DAB1: variants seen among roughly 807,000 people sequenced by gnomAD.
DAB1 encodes the protein disabled homolog 1.
Under a neutral mutation model 64.6 loss-of-function variants are expected in DAB1, and 15 were observed. The ratio of observed to expected loss-of-function variants is 0.23; its 90% confidence interval spans 0.16 to 0.36. The LOEUF is 0.36. Among genes scored for constraint, DAB1 ranks in the 10% least tolerant of loss-of-function variants. The pLI, the probability that DAB1 is intolerant of heterozygous loss-of-function variation, is 1.00. For missense variants in DAB1, 596 were observed against 706.7 expected (o/e 0.84, Z 1.78); for synonymous variants, 235 against 251.9 (o/e 0.93, Z 0.64).
chr1:57,857,403 G>A (rs928885537), intron 1 of DAB1, among the ~76,000 whole-genome samples: 3 of 152,200 alleles, frequency 2.0e-5, no homozygotes, highest in African/African-American at 7.2e-5. Flanking sequence ...AATAGAGTAA[G>A]CAGAGATGAT....
At chr1:57,465,333 C>CTTAATGTAGCACACAG (rs1449797030) in intron 7 of DAB1, among the ~76,000 whole-genome samples, 2 of 152,152 alleles carry the variant, frequency 1.3e-5, no homozygotes, top group African/African-American at 4.8e-5. Flanking sequence ...GTAGTTTGGT[C>CTTAATGTAGCACACAG]ATCTGTGCTA....
chr1:57,020,629 A>G (rs1646583266), intron 11 of DAB1, among the ~76,000 whole-genome samples: 1 of 152,214 alleles, frequency 6.6e-6, no homozygotes, highest in Non-Finnish European at 1.5e-5. Flanking sequence ...TAGGTAGAAC[A>G]GGACATATAT....
At chr1:57,033,873 C>T (rs770570548) in intron 9 of DAB1, among the ~76,000 whole-genome samples, 3 of 152,230 alleles carry the variant, frequency 2.0e-5, no homozygotes, top group African/African-American at 7.2e-5. Context: ...TAAGAGCATG[C>T]TGTTTACACC....
intron 7 of DAB1, among the ~76,000 whole-genome samples, chr1:57,562,139 G>A (rs1037510889): frequency 6.6e-6 from 1 of 152,188 alleles, no homozygotes; most frequent in Non-Finnish European, 1.5e-5. Context: ...TTGGGAGGCC[G>A]AGGCAGGTGG....
At chr1:58,408,396 C>T (rs892486911) in intron 3 of DAB1, among the ~76,000 whole-genome samples, 4 of 152,212 alleles carry the variant, frequency 2.6e-5, no homozygotes, top group African/African-American at 9.6e-5. Flanking sequence ...TCCTTTGTAA[C>T]AAGTGTTATT....
At chr1:58,467,338 C>T (rs1203983286) in intron 3 of DAB1, among the ~76,000 whole-genome samples, 8 of 152,196 alleles carry the variant, frequency 5.3e-5, no homozygotes, top group Non-Finnish European at 4.4e-5. Context: ...AAAAGCAGAA[C>T]GTCTGCTTTT....
intron 9 of DAB1, among the ~76,000 whole-genome samples, chr1:57,044,723 C>T (rs753142673): frequency 5.3e-5 from 8 of 152,198 alleles, no homozygotes; most frequent in African/African-American, 1.4e-4. Context: ...AGTAAGGTCA[C>T]GGGTGGTTGG....
intron 4 of DAB1, among the ~76,000 whole-genome samples, chr1:58,334,228 C>A (rs961999270): frequency 1.3e-5 from 2 of 152,154 alleles, no homozygotes; most frequent in Non-Finnish European, 2.9e-5. Context: ...TCACTCTCAC[C>A]TCCACCATGA....
intron 3 of DAB1, among the ~76,000 whole-genome samples, chr1:58,421,206 G>T (rs556342494): frequency 1.3e-5 from 2 of 152,314 alleles, no homozygotes; most frequent in East Asian, 1.9e-4. Context: ...CATGGATGGT[G>T]GCAGCAAGGC....
chr1:58,438,513 C>A (rs1644970127), intron 3 of DAB1, among the ~76,000 whole-genome samples: 1 of 152,140 alleles, frequency 6.6e-6, no homozygotes, highest in South Asian at 2.1e-4. Context: ...AAAAGAAGGC[C>A]AGCATGCTGG....
chr1:58,294,629 G>A (rs1661926115), intron 4 of DAB1, among the ~76,000 whole-genome samples: 1 of 151,948 alleles, frequency 6.6e-6, no homozygotes, highest in African/African-American at 2.4e-5. Flanking sequence ...CCAATTTCAT[G>A]GTAAATATAT....
intron 6 of DAB1, among the ~76,000 whole-genome samples, chr1:57,813,502 C>T (rs760678367): frequency 1.3e-5 from 2 of 152,200 alleles, no homozygotes; most frequent in Non-Finnish European, 1.5e-5. Flanking sequence ...GAGGAACAGG[C>T]AGATGTGTAA....
chr1:58,071,531 C>T (rs1409878823), intron 5 of DAB1: 2 of 152,094 alleles, frequency 1.3e-5, no homozygotes, highest in Admixed American at 6.6e-5. Flanking sequence ...TGACATGGCA[C>T]TGATGTTTGG....
At chr1:58,462,175 G>A (rs1212710664) in intron 3 of DAB1, among the ~76,000 whole-genome samples, 3 of 145,180 alleles carry the variant, frequency 2.1e-5, no homozygotes, top group Non-Finnish European at 3.0e-5. Context: ...GCCGGACTGC[G>A]GACTGCAGTG....
At position 58,314,331 on chromosome 1, in the gene DAB1, C is replaced by A. The variant is rs537598368; in HGVS notation, n.309+29021G>T. ...GCCTGATCCTGTTCTATGGCCTTGA[C>A]AACTTCCTTCAGTCCTTTTTGGGTC... On this transcript the variant is annotated intron_variant and non_coding_transcript_variant, in intron 4 of 20. Transcript: ENST00000485760. Among the ~76,000 whole-genome samples, 270 of 152,284 alleles carry A rather than the reference C, an allele frequency of 1.8e-3. 1 individual carries two copies. The highest frequency in any genetic ancestry group is 3.3e-3 in the Non-Finnish European group (223 of 68,024).
intron 5 of DAB1, among the ~76,000 whole-genome samples, chr1:57,938,085 C>T (rs1463347702): frequency 6.6e-6 from 1 of 152,226 alleles, no homozygotes; most frequent in Non-Finnish European, 1.5e-5. Flanking sequence ...TCAGGTCCTA[C>T]TTTCATGGGA....
At chr1:57,445,409 T>C (rs1441866394) in intron 7 of DAB1, among the ~76,000 whole-genome samples, 2 of 152,184 alleles carry the variant, frequency 1.3e-5, no homozygotes, top group Non-Finnish European at 2.9e-5. Flanking sequence ...TATTTACTTA[T>C]ATAGTTCCCA....
At chr1:57,670,308 C>T (rs776108040) in intron 6 of DAB1, among the ~76,000 whole-genome samples, 2 of 152,030 alleles carry the variant, frequency 1.3e-5, no homozygotes, top group South Asian at 4.2e-4. Flanking sequence ...CAGAAAAGAG[C>T]GACCTGCAAG....
At chr1:57,501,984 GTTC>G (rs1027626384) in intron 7 of DAB1, among the ~76,000 whole-genome samples, 2 of 152,110 alleles carry the variant, frequency 1.3e-5, no homozygotes, top group Admixed American at 6.5e-5. Context: ...TATCCTCACT[GTTC>G]TTCTGTCTCC....
Sources: allele counts gnomAD v4.1 joint callset (sites outside exome capture counted in the v4.1 genomes callset), GRCh38; gene constraint gnomAD v4.1.1; transcripts MANE v1.5; gene names NCBI Gene and HGNC (gene_info 2026-07-23, HGNC 2026-07-21).